Variants in NBAS observed in about 807,000 individuals in gnomAD.
NBAS encodes the protein NAG/BC035112 fusion.
A neutral mutation model predicts 302.5 loss-of-function variants in NBAS; 219 were observed. That is an observed-to-expected ratio of 0.72 (90% CI 0.65 to 0.81). The LOEUF is 0.81. NBAS is among the 30% of genes least tolerant of loss of function. The pLI, the probability that NBAS is intolerant of heterozygous loss-of-function variation, is 0.00. For missense variants in NBAS, 2,932 were observed against 2,841.6 expected (o/e 1.03, Z -0.72); for synonymous variants, 1,118 against 1,021.6 (o/e 1.09, Z -1.80).
chr2:15,093,858 T>C, the NBAS span, among the ~76,000 whole-genome samples: 2 of 152,104 alleles, frequency 1.3e-5, no homozygotes, highest in Non-Finnish European at 2.9e-5. Flanking sequence ...TAGAAAAAAA[T>C]GTTATTCCAG....
chr2:15,260,777 G>A (rs1668812710), intron 44 of NBAS, among the ~76,000 whole-genome samples: 1 of 151,834 alleles, frequency 6.6e-6, no homozygotes, highest in South Asian at 2.1e-4. Flanking sequence ...AAGACCAACA[G>A]TAAGAAACAA....
chr2:15,131,885 G>C, the NBAS span, among the ~76,000 whole-genome samples: 2 of 152,240 alleles, frequency 1.3e-5, no homozygotes. Flanking sequence ...AGCAAGGGAG[G>C]GGGTGGTGCC....
chr2:15,100,316 T>G, the NBAS span, among the ~76,000 whole-genome samples: 1 of 152,178 alleles, frequency 6.6e-6, no homozygotes, highest in African/African-American at 2.4e-5. Context: ...CCACTGGAAC[T>G]TTAAAAAGAT....
chr2:15,375,916 GA>G (rs137975058), intron 30 of NBAS, among the ~76,000 whole-genome samples: 20 of 147,894 alleles, frequency 1.4e-4, no homozygotes, highest in Admixed American at 2.7e-4. Context: ...GAATATGAGT[GA>G]AAAAAAAACA....
chr2:15,166,166 C>A (rs989611254), downstream of NBAS, among the ~76,000 whole-genome samples: 5 of 152,210 alleles, frequency 3.3e-5, no homozygotes, highest in African/African-American at 1.2e-4. Context: ...GGGAACACCC[C>A]TTGTGTGGGA....
chr2:15,084,856 G>T, the NBAS span, among the ~76,000 whole-genome samples: 1 of 152,212 alleles, frequency 6.6e-6, no homozygotes, highest in Non-Finnish European at 1.5e-5. Flanking sequence ...CTAACCACTT[G>T]AAAGGTATTC....
the NBAS span, among the ~76,000 whole-genome samples, chr2:14,829,328 C>T: frequency 2.6e-5 from 4 of 151,982 alleles, no homozygotes; most frequent in South Asian, 2.1e-4. Flanking sequence ...TTTCCAGAGA[C>T]GTAGAATGAA....
chr2:15,171,138 T>C (rs1295084564), intron 51 of NBAS, among the ~76,000 whole-genome samples: 3 of 152,192 alleles, frequency 2.0e-5, no homozygotes, highest in East Asian at 1.9e-4. Context: ...CTTTTTAAGA[T>C]AAAAATAAAA....
chr2:14,972,965 T>C, the NBAS span, among the ~76,000 whole-genome samples: 13 of 152,170 alleles, frequency 8.5e-5, no homozygotes, highest in Non-Finnish European at 1.0e-4. Context: ...AAACACACAA[T>C]GGAGAAAGGC....
At chr2:14,942,779 C>T in the NBAS span, among the ~76,000 whole-genome samples, 1 of 152,300 alleles carries the variant, frequency 6.6e-6, no homozygotes, top group African/African-American at 2.4e-5. Flanking sequence ...GGCCCAAGCA[C>T]ATAGTAGAGG....
chr2:15,204,861 C>A (rs771195677), intron 48 of NBAS, among the ~76,000 whole-genome samples: 2 of 151,742 alleles, frequency 1.3e-5, no homozygotes, highest in South Asian at 2.1e-4. Flanking sequence ...GCCTGTCATG[C>A]AGTTGGGGGA....
chr2:15,242,952 C>T (rs1337461275), intron 44 of NBAS, among the ~76,000 whole-genome samples: 6 of 152,046 alleles, frequency 3.9e-5, no homozygotes, highest in East Asian at 1.9e-4. Flanking sequence ...AAAGAAACCA[C>T]ATATATCATG....
chr2:15,337,174 T>C (rs1376342970), intron 35 of NBAS, among the ~76,000 whole-genome samples: 1 of 150,678 alleles, frequency 6.6e-6, no homozygotes, highest in Non-Finnish European at 1.5e-5. Flanking sequence ...AATTAAGTAA[T>C]TTTTTTTGTG....
the NBAS span, among the ~76,000 whole-genome samples, chr2:14,894,735 A>G: frequency 6.6e-6 from 1 of 152,152 alleles, no homozygotes; most frequent in African/African-American, 2.4e-5. Context: ...CAGAACATCA[A>G]TGCACAAAAT....
intron 35 of NBAS, among the ~76,000 whole-genome samples, chr2:15,337,477 T>G (rs144053274): frequency 5.4e-4 from 81 of 151,318 alleles, no homozygotes; most frequent in Non-Finnish European, 1.0e-3. Context: ...AAAATAAAAA[T>G]AAAAAAAAGA....
Position 15,292,683 on chromosome 2 carries a change from T to A in NBAS, c.4881A>T (p.Ser1627=). The change falls in exon 41 of 52, where the codon TCA becomes TCT. Residue 1627 remains serine, a synonymous_variant. Coordinates refer to ENST00000281513, the MANE Select transcript of NBAS (RefSeq NM_015909.4). ...EHEAWPEDLI[S]LTKQLHCYNE... is the part of the protein sequence containing the mutation. ...TGTAGCAGTGTAACTGCTTGGTCAG[T>A]GAAATAAGGTCTTCAGGCCAGGCTT... The A allele has an allele frequency of 6.2e-7, 1 of 1,614,184 alleles. No individual in the cohort carries two copies. Among genetic ancestry groups the A allele is most frequent in the Non-Finnish European group, 8.5e-7 (1 of 1,180,032 alleles).
At chr2:15,267,542 T>C (rs1313062658) in intron 44 of NBAS, among the ~76,000 whole-genome samples, 2 of 152,186 alleles carry the variant, frequency 1.3e-5, no homozygotes, top group South Asian at 2.1e-4. Flanking sequence ...AAAATGAGTA[T>C]ACCACTTTCT....
the NBAS span, among the ~76,000 whole-genome samples, chr2:15,116,855 C>T: frequency 2.0e-5 from 3 of 152,132 alleles, no homozygotes; most frequent in East Asian, 1.9e-4. Flanking sequence ...TAATTTAATA[C>T]ATATATAGGT....
chr2:15,419,443 C>T lies in NBAS; in HGVS notation c.2578-1731G>A, dbSNP rs117309252. Among the ~76,000 whole-genome samples the T allele has an allele frequency of 8.5e-3, 1,284 of 151,838 alleles. 18 individuals carry two copies. The highest frequency in any genetic ancestry group is 0.059 in the East Asian group (305 of 5,160). ...TGTCTGTGTTAGAGGCAAGGTCTTC[C>T]TATACTGCCCAGGTTGGAGTGGAGT... On this transcript the variant is annotated intron_variant, in intron 23 of 51. Transcript: ENST00000281513.
Sources: allele counts gnomAD v4.1 joint callset (sites outside exome capture counted in the v4.1 genomes callset), GRCh38; gene constraint gnomAD v4.1.1; transcripts MANE v1.5; gene names NCBI Gene and HGNC (gene_info 2026-07-23, HGNC 2026-07-21).